The following INTS10 variants were observed in gnomAD, a reference collection of about 807,000 sequenced individuals.
The protein encoded by INTS10 is chromosome 8 open reading frame 35.
A neutral mutation model predicts 94.4 loss-of-function variants in INTS10; 44 were observed. The observed-to-expected ratio is 0.47, with a 90% CI of 0.37 to 0.60. The LOEUF is 0.60. Among genes scored for constraint, INTS10 ranks in the 20% least tolerant of loss-of-function variants. INTS10 has a pLI of 0.00. For synonymous variants in INTS10, 341 were observed against 320.7 expected, an observed-to-expected ratio of 1.06 and a Z score of -0.68; for missense variants, 797 against 868.7, an observed-to-expected ratio of 0.92 and a Z score of 1.04.
chr8:19,831,371 T>C (rs2067214998), intron 10 of INTS10, among the ~76,000 whole-genome samples: 10 of 152,340 alleles, frequency 6.6e-5, no homozygotes. Flanking sequence ...TGTCATTGTA[T>C]GTTTGTTATT....
At chr8:19,820,112 C>T (rs1420842421) in intron 3 of INTS10, among the ~76,000 whole-genome samples, 2 of 152,234 alleles carry the variant, frequency 1.3e-5, no homozygotes, top group East Asian at 3.8e-4. Context: ...CTATCTCAAC[C>T]TGCAACAGGC....
chr8:19,841,850 T>C (rs1006624985), intron 13 of INTS10: 3 of 455,956 alleles, frequency 6.6e-6, no homozygotes, highest in Non-Finnish European at 1.3e-5. Context: ...AACCAGAAAT[T>C]TTCTTTTTTA....
chr8:19,839,744 A>T (rs1286513984), intron 13 of INTS10, among the ~76,000 whole-genome samples: 2 of 152,042 alleles, frequency 1.3e-5, no homozygotes, highest in African/African-American at 4.8e-5. Context: ...ATATTTGGCT[A>T]TGTAGAAAAC....
At chr8:19,818,240 G>C in intron 1 of INTS10, 35 bp from the exon 2 acceptor site, 4 of 1,609,040 alleles carry the variant, frequency 2.5e-6, no homozygotes, top group Non-Finnish European at 3.4e-6. Flanking sequence ...TTCTGGGCAG[G>C]GGTGAGTGAC....
At chr8:19,840,408 T>G (rs1382143519) in intron 13 of INTS10, among the ~76,000 whole-genome samples, 2 of 152,130 alleles carry the variant, frequency 1.3e-5, no homozygotes, top group Non-Finnish European at 2.9e-5. Flanking sequence ...GACTTTACGG[T>G]TTTTGGTGGT....
intron 13 of INTS10, among the ~76,000 whole-genome samples, chr8:19,839,638 T>C (rs552135403): frequency 1.7e-3 from 266 of 152,070 alleles, no homozygotes; most frequent in African/African-American, 6.1e-3. Context: ...GTCAAAGCTG[T>C]GGTGAGCTAT....
At chr8:19,835,625 C>T (rs555048817) in intron 12 of INTS10, among the ~76,000 whole-genome samples, 16 of 152,296 alleles carry the variant, frequency 1.1e-4, no homozygotes, top group African/African-American at 3.8e-4. Flanking sequence ...GAGTACAAGT[C>T]CTGGCTAGCT....
At chr8:19,825,005 C>T in intron 8 of INTS10, 33 bp downstream of exon 8, 4 of 1,564,934 alleles carry the variant, frequency 2.6e-6, no homozygotes, top group Non-Finnish European at 3.5e-6. Context: ...GTCCAAAAAG[C>T]CAGTTCATAC....
chr8:19,828,185 C>T (rs967335438), intron 9 of INTS10, among the ~76,000 whole-genome samples: 3 of 151,916 alleles, frequency 2.0e-5, no homozygotes, highest in African/African-American at 7.3e-5. Flanking sequence ...CCCTCCAGCC[C>T]GAGCAACAGA....
At chr8:19,844,347 T>G in intron 15 of INTS10, 109 bp downstream of exon 15, 1 of 896,952 alleles carries the variant, frequency 1.1e-6, no homozygotes, top group South Asian at 1.9e-5. Context: ...TTTTACTATT[T>G]TGCAGCGAAG....
Position 19,826,505 on chromosome 8 carries a change from T to A in INTS10, c.1086T>A (p.Arg362=), listed in dbSNP as rs1371836380. The A allele has an allele frequency of 7.4e-6, 12 of 1,612,838 alleles. No individual in the cohort carries two copies. The highest frequency in any genetic ancestry group is 1.0e-5 in the Non-Finnish European group (12 of 1,179,584). ...TGTATGGTGATGTAGAAATTGATCG[T>A]AATAAACACATCCATAAAAAGAGGA... ...SNVYGDVEID[R]NKHIHKKRKL... The change falls in exon 9 of 17, where the codon CGT becomes CGA. Residue 362 remains arginine (R), a synonymous_variant. Transcript: ENST00000397977.
chr8:19,832,260 A>G (rs2067290088), intron 11 of INTS10, 150 bp downstream of exon 11: 1 of 603,518 alleles, frequency 1.7e-6, no homozygotes, highest in Non-Finnish European at 3.0e-6. Context: ...CTGAGGGGGT[A>G]TGGTCCATTT....
At position 19,822,431 on chromosome 8, in the gene INTS10, T is replaced by G; in HGVS notation, c.442-8T>G. On this transcript the variant is annotated splice_polypyrimidine_tract_variant and splice_region_variant and intron_variant, in intron 4 of 16. Transcript: ENST00000397977. ...CACATTTAAATGAGTAATTTTGTTT[T>G]GAAATAGGTTGGCCTTGGGGAGGCA... is the stretch of plus-strand genomic sequence containing the variant. 6.3e-7 allele frequency: 1 copy of G among 1,582,062 alleles called. No individual in the cohort carries two copies. Among genetic ancestry groups the G allele is most frequent in the Non-Finnish European group, 8.7e-7 (1 of 1,152,824 alleles).
chr8:19,842,704 T>C (rs562036171), intron 13 of INTS10, 144 bp from the exon 14 acceptor site: 5 of 571,522 alleles, frequency 8.7e-6, no homozygotes, highest in Non-Finnish European at 1.6e-5. Context: ...AGTATAATTG[T>C]GTTTCAAATA....
chr8:19,817,441 G>C lies in INTS10; in HGVS notation c.-97G>C, dbSNP rs1219814229. The C allele has an allele frequency of 2.0e-6, 3 of 1,491,950 alleles. No individual in the cohort carries two copies. The highest frequency in any genetic ancestry group is 2.1e-5 in the Admixed American group (1 of 47,532). 92.4% of individuals were successfully genotyped at this position (1,491,950 alleles called of 1,614,324 possible). On this transcript the variant is annotated 5_prime_UTR_variant, in exon 1 of 17. Transcript: ENST00000397977. ...AGACATGCGCAGTAGCCTCCCCCGC[G>C]GTGGCGGCGGCGGCGGCGGTGGCTG...
chr8:19,837,304 A>G, intron 13 of INTS10, 144 bp downstream of exon 13: 3 of 631,960 alleles, frequency 4.7e-6, no homozygotes, highest in Non-Finnish European at 8.5e-6. Context: ...AGCCTGGGCA[A>G]TGTAGTGAGA....
At chr8:19,842,436 C>T (rs928071227) in intron 13 of INTS10, among the ~76,000 whole-genome samples, 8 of 152,026 alleles carry the variant, frequency 5.3e-5, no homozygotes, top group East Asian at 1.9e-4. Flanking sequence ...GCGACCTCTG[C>T]GATGGAAGAG....
intron 3 of INTS10, 69 bp from the exon 4 acceptor site, chr8:19,820,310 A>C (rs964952665): frequency 8.1e-6 from 12 of 1,489,192 alleles, no homozygotes; most frequent in Non-Finnish European, 1.1e-5. Flanking sequence ...AAAATGCCTT[A>C]CTCAGCACTG....
Position 19,823,118 on chromosome 8 carries a change from C to T in INTS10, c.524-183C>T, listed in dbSNP as rs765560364. The stretch of plus-strand genomic sequence containing the variant: ...CACAGCATAAAAGTGTCTGTGTTTC[C>T]TCCCTGACTCCAGCCACTGGTGTCT... On this transcript the variant is annotated intron_variant, in intron 5 of 16. Transcript: ENST00000397977. 5.9e-4 allele frequency among the ~76,000 whole-genome samples: 90 copies of T among 152,226 alleles called. 1 individual carries two copies. Among genetic ancestry groups the T allele is most frequent in the Middle Eastern group, 6.8e-3 (2 of 294 alleles).
Sources: allele counts gnomAD v4.1 joint callset (sites outside exome capture counted in the v4.1 genomes callset), GRCh38; gene constraint gnomAD v4.1.1; transcripts MANE v1.5; gene names NCBI Gene and HGNC (gene_info 2026-07-23, HGNC 2026-07-21).